PDZRN4: variants seen among roughly 807,000 people sequenced by gnomAD.
PDZRN4 encodes the protein PDZ domain-containing RING finger protein 4.
Under a neutral mutation model 99.0 loss-of-function variants are expected in PDZRN4, and 70 were observed. That is an observed-to-expected ratio of 0.71 (90% CI 0.58 to 0.86). PDZRN4 has a LOEUF of 0.86. Ranked by LOEUF, PDZRN4 falls within the 40% of genes least tolerant of loss-of-function variation. The pLI, the probability that PDZRN4 is intolerant of heterozygous loss-of-function variation, is 0.00. For synonymous variants in PDZRN4, 551 were observed against 501.6 expected (o/e 1.10, Z -1.32); for missense variants, 1,474 against 1,331.2 (o/e 1.11, Z -1.67).
chr12:41,353,817 T>G (rs1464042551), intron 3 of PDZRN4, among the ~76,000 whole-genome samples: 1 of 152,104 alleles, frequency 6.6e-6, no homozygotes, highest in Non-Finnish European at 1.5e-5. Context: ...CCAGTTAGAA[T>G]TTTCTGTTGT....
chr12:41,268,568 C>T (rs562715849), intron 3 of PDZRN4, among the ~76,000 whole-genome samples: 10 of 152,226 alleles, frequency 6.6e-5, no homozygotes, highest in South Asian at 4.1e-4. Context: ...TTTCCAGATA[C>T]GAAAAACTTG....
At chr12:41,486,908 T>C (rs1937786268) in intron 3 of PDZRN4, among the ~76,000 whole-genome samples, 1 of 152,124 alleles carries the variant, frequency 6.6e-6, no homozygotes, top group Non-Finnish European at 1.5e-5. Context: ...CCATGGCTGC[T>C]TCTCTCCTTA....
At chr12:41,408,836 G>T (rs993305960) in intron 3 of PDZRN4, among the ~76,000 whole-genome samples, 14 of 143,286 alleles carry the variant, frequency 9.8e-5, no homozygotes, top group Admixed American at 7.7e-4. Context: ...TCACTCTCTC[G>T]CACTCTCTTG....
At chr12:41,228,522 C>CA (rs1566376131) in intron 3 of PDZRN4, among the ~76,000 whole-genome samples, 3 of 151,774 alleles carry the variant, frequency 2.0e-5, no homozygotes, top group South Asian at 4.2e-4. Flanking sequence ...GGCCTTTTGC[C>CA]AAAAAAAGAA....
At chr12:41,365,289 A>G (rs1032644536) in intron 3 of PDZRN4, among the ~76,000 whole-genome samples, 2 of 152,110 alleles carry the variant, frequency 1.3e-5, no homozygotes, top group African/African-American at 4.8e-5. Context: ...TTGTTTTTCT[A>G]GCTTAGCCTC....
intron 3 of PDZRN4, among the ~76,000 whole-genome samples, chr12:41,437,172 TA>T (rs1217048795): frequency 6.6e-6 from 1 of 152,220 alleles, no homozygotes; most frequent in African/African-American, 2.4e-5. Context: ...ACATATGAAC[TA>T]TTCAGTTATT....
At chr12:41,243,284 C>T (rs1951112159) in intron 3 of PDZRN4, among the ~76,000 whole-genome samples, 1 of 152,204 alleles carries the variant, frequency 6.6e-6, no homozygotes. Flanking sequence ...TAACCTTTTA[C>T]ACAGACATTA....
chr12:41,435,046 A>G (rs1162674615), intron 3 of PDZRN4, among the ~76,000 whole-genome samples: 2 of 152,202 alleles, frequency 1.3e-5, no homozygotes, highest in African/African-American at 4.8e-5. Flanking sequence ...TGAGTCCATT[A>G]GAAGCAGAAG....
intron 3 of PDZRN4, among the ~76,000 whole-genome samples, chr12:41,239,181 G>T (rs1951087905): frequency 6.6e-6 from 1 of 152,196 alleles, no homozygotes; most frequent in Non-Finnish European, 1.5e-5. Context: ...GATGGAGTTG[G>T]AAGTCATTAT....
intron 3 of PDZRN4, among the ~76,000 whole-genome samples, chr12:41,480,364 T>C (rs1434312107): frequency 6.6e-6 from 1 of 152,196 alleles, no homozygotes; most frequent in Non-Finnish European, 1.5e-5. Flanking sequence ...TATTCCCACC[T>C]CTTTGTTCTA....
At chr12:41,552,845 G>A (rs1592109102) in intron 6 of PDZRN4, 91 bp downstream of exon 6, 2 of 952,164 alleles carry the variant, frequency 2.1e-6, no homozygotes, top group East Asian at 5.0e-5. Context: ...TCCTTCAGAG[G>A]CTTGAATGTG....
At chr12:41,485,090 A>G (rs527388269) in intron 3 of PDZRN4, among the ~76,000 whole-genome samples, 2 of 152,226 alleles carry the variant, frequency 1.3e-5, no homozygotes, top group African/African-American at 4.8e-5. Flanking sequence ...GAGTTCTGAT[A>G]TTAGTTGATC....
At chr12:41,301,091 G>C (rs1951532327) in intron 3 of PDZRN4, among the ~76,000 whole-genome samples, 2 of 152,032 alleles carry the variant, frequency 1.3e-5, no homozygotes, top group Admixed American at 6.6e-5. Context: ...TCCTTTGACA[G>C]TTATTAGCTT....
chr12:41,476,527 T>C (rs1327432053), intron 3 of PDZRN4, among the ~76,000 whole-genome samples: 1 of 152,238 alleles, frequency 6.6e-6, no homozygotes, highest in Non-Finnish European at 1.5e-5. Context: ...CCTCATCTAA[T>C]GTTTGTTTTT....
intron 4 of PDZRN4, 111 bp downstream of exon 4, chr12:41,506,823 TCCCAGCTCCGTTTGGAAAATGTCTC>T: frequency 8.2e-7 from 1 of 1,215,136 alleles, no homozygotes; most frequent in Non-Finnish European, 1.1e-6. Context: ...GAGACAGGCT[TCCCAGCTCCGTTTGGAAAATGTCTC>T]CCCTGTTTTG....
intron 3 of PDZRN4, among the ~76,000 whole-genome samples, chr12:41,361,117 T>G (rs1433079503): frequency 1.3e-5 from 2 of 152,096 alleles, no homozygotes; most frequent in Non-Finnish European, 2.9e-5. Flanking sequence ...TGAGTATTTT[T>G]GTCTTCCAGT....
chr12:41,373,804 G>A (rs1356221841), intron 3 of PDZRN4, among the ~76,000 whole-genome samples: 5 of 152,154 alleles, frequency 3.3e-5, no homozygotes, highest in Non-Finnish European at 7.4e-5. Flanking sequence ...AGTGATAAGT[G>A]TCCATGAAAT....
At chr12:41,468,964 G>A (rs1189133642) in intron 3 of PDZRN4, among the ~76,000 whole-genome samples, 1 of 151,478 alleles carries the variant, frequency 6.6e-6, no homozygotes, top group Non-Finnish European at 1.5e-5. Context: ...AGCCGAGATT[G>A]CGCCACTTCA....
chr12:41,501,650 C>A (rs984878253), intron 3 of PDZRN4, among the ~76,000 whole-genome samples: 2 of 152,096 alleles, frequency 1.3e-5, no homozygotes, highest in Admixed American at 1.3e-4. Flanking sequence ...AAAGTGATTG[C>A]TTTTTCTTTA....
Sources: gnomAD v4.1 joint callset for allele counts (sites outside exome capture counted in the v4.1 genomes callset) on GRCh38, gnomAD v4.1.1 for gene constraint, MANE v1.5 for transcripts, NCBI Gene and HGNC (gene_info 2026-07-23, HGNC 2026-07-21) for gene names.